The following ELMO1 variants were observed in gnomAD, a reference collection of about 807,000 sequenced individuals.
ELMO1 encodes engulfment and cell motility 1, also known as engulfment and cell motility protein 1.
A neutral mutation model predicts 98.9 loss-of-function variants in ELMO1; 26 were observed. The observed-to-expected ratio is 0.26, with a 90% CI of 0.19 to 0.36. The LOEUF is 0.36. ELMO1 is among the 10% of genes least tolerant of loss of function. ELMO1 has a pLI of 1.00. For synonymous variants in ELMO1, 346 were observed against 346.0 expected, an observed-to-expected ratio of 1.00 and a Z score of 0.00; for missense variants, 627 against 935.2, an observed-to-expected ratio of 0.67 and a Z score of 4.30.
chr7:37,158,107 G>A (rs1788930922), intron 13 of ELMO1, among the ~76,000 whole-genome samples: 1 of 152,184 alleles, frequency 6.6e-6, no homozygotes, highest in African/African-American at 2.4e-5. Context: ...GCCATATGTA[G>A]AAAGCTGAAA....
At chr7:37,316,321 G>C (rs755184570) in intron 2 of ELMO1, among the ~76,000 whole-genome samples, 1 of 152,164 alleles carries the variant, frequency 6.6e-6, no homozygotes, top group Non-Finnish European at 1.5e-5. Context: ...AATCCCTCAG[G>C]AGTAGTACAT....
chr7:37,168,720 T>C (rs1428373994), intron 13 of ELMO1, among the ~76,000 whole-genome samples: 3 of 152,166 alleles, frequency 2.0e-5, no homozygotes, highest in Non-Finnish European at 2.9e-5. Context: ...AGGAGTACCC[T>C]GCCGTGTGAA....
chr7:37,117,997 G>A (rs1321217729), intron 14 of ELMO1, among the ~76,000 whole-genome samples: 1 of 152,226 alleles, frequency 6.6e-6, no homozygotes, highest in African/African-American at 2.4e-5. Context: ...TCAGGGACGA[G>A]AGAAGGGGAG....
rs376043275 is a variant in ELMO1, at chr7:37,136,989, A to T, written c.1087-3755T>A. On this transcript the variant is annotated intron_variant, in intron 13 of 21. Transcript: ENST00000310758. ...GTACAGAACGGCAGAAAGGATAAGA[A>T]TTCACCAACCAAGTTTCTGCTGCCT... is the stretch of plus-strand genomic sequence containing the variant. 5.9e-5 allele frequency among the ~76,000 whole-genome samples: 9 copies of T among 152,338 alleles called. No individual in the cohort carries two copies. The South Asian group carries it at 1.0e-3, about 18-fold the overall frequency.
chr7:37,018,372 C>T (rs559193069), intron 15 of ELMO1, among the ~76,000 whole-genome samples: 14 of 152,116 alleles, frequency 9.2e-5, no homozygotes, highest in African/African-American at 3.4e-4. Context: ...GTGATCTGCC[C>T]GCCTCACCCT....
chr7:37,063,928 T>G (rs1452999240), intron 15 of ELMO1, among the ~76,000 whole-genome samples: 4 of 152,158 alleles, frequency 2.6e-5, no homozygotes, highest in Non-Finnish European at 5.9e-5. Context: ...CCCATGCAGA[T>G]TCCACGGTCC....
At chr7:36,988,201 C>T (rs1791643930) in intron 16 of ELMO1, among the ~76,000 whole-genome samples, 1 of 152,226 alleles carries the variant, frequency 6.6e-6, no homozygotes, top group Non-Finnish European at 1.5e-5. Flanking sequence ...TTTCTCAGCT[C>T]TGCCCAGACA....
chr7:37,385,593 C>T (rs1320861544), intron 1 of ELMO1, among the ~76,000 whole-genome samples: 2 of 152,194 alleles, frequency 1.3e-5, no homozygotes, highest in African/African-American at 4.8e-5. Context: ...TCATCTCAGA[C>T]ATTTGTTTAC....
chr7:37,320,096 A>C (rs1473363093), intron 2 of ELMO1, among the ~76,000 whole-genome samples: 2 of 152,088 alleles, frequency 1.3e-5, no homozygotes, highest in Admixed American at 1.3e-4. Context: ...CTCTACTAAA[A>C]TACAAAAAAA....
chr7:37,188,498 A>AAAAAAAT (rs1791373202), intron 13 of ELMO1, among the ~76,000 whole-genome samples: 1 of 42,460 alleles, frequency 2.4e-5, no homozygotes, highest in African/African-American at 5.3e-5. Flanking sequence ...AAAAAAAAAA[A>AAAAAAAT]AAAAATAATA....
intron 16 of ELMO1, among the ~76,000 whole-genome samples, chr7:36,976,953 G>C (rs1790604974): frequency 1.3e-5 from 2 of 152,230 alleles, no homozygotes; most frequent in African/African-American, 4.8e-5. Flanking sequence ...CCTGACCTCA[G>C]TAAAAACGTG....
chr7:36,873,794 T>C (rs749102308), intron 19 of ELMO1, among the ~76,000 whole-genome samples: 8 of 152,238 alleles, frequency 5.3e-5, no homozygotes, highest in Non-Finnish European at 1.0e-4. Context: ...AGTTTAATTG[T>C]GATTTAAAAC....
At chr7:37,324,080 C>T (rs1301358630) in intron 2 of ELMO1, among the ~76,000 whole-genome samples, 1 of 150,686 alleles carries the variant, frequency 6.6e-6, no homozygotes, top group Non-Finnish European at 1.5e-5. Context: ...TCCCAGGAGA[C>T]CCCCCAGCTG....
At chr7:37,124,057 T>A (rs1786306219) in intron 14 of ELMO1, among the ~76,000 whole-genome samples, 1 of 152,272 alleles carries the variant, frequency 6.6e-6, no homozygotes, top group East Asian at 1.9e-4. Context: ...CCTCAACAGA[T>A]GCAGAAAAGT....
chr7:37,146,762 G>A (rs2129314530), intron 13 of ELMO1, among the ~76,000 whole-genome samples: 1 of 152,298 alleles, frequency 6.6e-6, no homozygotes, highest in South Asian at 2.1e-4. Context: ...TGACCTAAGA[G>A]AGAGACATGG....
chr7:36,890,450 G>A (rs559629377), intron 17 of ELMO1, among the ~76,000 whole-genome samples: 1 of 152,206 alleles, frequency 6.6e-6, no homozygotes, highest in South Asian at 2.1e-4. Flanking sequence ...CTAATTGGAC[G>A]TCTCGTAGCT....
chr7:36,991,301 C>T lies in ELMO1; in HGVS notation c.1437+21998G>A, dbSNP rs78117338. ...CCACACACATAAAACACACTGATAT[C>T]GTTTCCATAACAGCAACAGGCCCAG... is the stretch of plus-strand genomic sequence containing the variant. On this transcript the variant is annotated intron_variant, in intron 16 of 21. Coordinates refer to ENST00000310758, the MANE Select transcript of ELMO1 (RefSeq NM_014800.11). Among the ~76,000 whole-genome samples, 437 of 152,272 alleles carry T rather than the reference C, an allele frequency of 2.9e-3. 1 individual carries two copies. Among genetic ancestry groups the T allele is most frequent in the African/African-American group, 0.01 (423 of 41,566 alleles).
chr7:36,961,138 T>A (rs1235033145), intron 16 of ELMO1, among the ~76,000 whole-genome samples: 2 of 152,204 alleles, frequency 1.3e-5, no homozygotes, highest in African/African-American at 4.8e-5. Flanking sequence ...TCAGACAGGC[T>A]AGGAAAAAGT....
intron 15 of ELMO1, among the ~76,000 whole-genome samples, chr7:37,036,047 G>A (rs781418275): frequency 4.6e-5 from 7 of 152,096 alleles, no homozygotes; most frequent in Non-Finnish European, 1.0e-4. Flanking sequence ...TTTCTGTAAT[G>A]GATTTGTGTA....
Sources: gnomAD v4.1 joint callset for allele counts (sites outside exome capture counted in the v4.1 genomes callset) on GRCh38, gnomAD v4.1.1 for gene constraint, MANE v1.5 for transcripts, NCBI Gene and HGNC (gene_info 2026-07-23, HGNC 2026-07-21) for gene names.